PALLD: variants seen among roughly 807,000 people sequenced by gnomAD.
PALLD encodes the protein palladin, cytoskeletal associated protein.
A neutral mutation model predicts 123.5 loss-of-function variants in PALLD; 61 were observed. That is an observed-to-expected ratio of 0.49 (90% CI 0.40 to 0.61). PALLD has a LOEUF of 0.61. Ranked by LOEUF, PALLD falls within the 20% of genes least tolerant of loss-of-function variation. The probability of loss-of-function intolerance (pLI) is 0.00; values close to 1 mark genes in which losing one functional copy is unlikely to be tolerated. For missense variants in PALLD, 1,273 were observed against 1,377.0 expected, an observed-to-expected ratio of 0.92 and a Z score of 1.20; for synonymous variants, 465 against 496.4, an observed-to-expected ratio of 0.94 and a Z score of 0.84.
intron 2 of PALLD, among the ~76,000 whole-genome samples, chr4:168,647,347 A>G (rs1777565900): frequency 6.6e-6 from 1 of 152,226 alleles, no homozygotes; most frequent in South Asian, 2.1e-4. Flanking sequence ...CACTTACTAC[A>G]ATGGACTGTG....
intron 10 of PALLD, among the ~76,000 whole-genome samples, chr4:168,804,132 C>T (rs189251295): frequency 6.6e-6 from 1 of 152,116 alleles, no homozygotes; most frequent in Admixed American, 6.5e-5. Context: ...CCAAAACAGC[C>T]CCAGGTTGAA....
intron 17 of PALLD, among the ~76,000 whole-genome samples, chr4:168,917,953 C>A (rs1489320456): frequency 6.6e-6 from 1 of 152,088 alleles, no homozygotes. Context: ...GTAATCCCAG[C>A]ACTTTGGGAG....
chr4:168,669,139 A>C (rs979443400), intron 3 of PALLD, among the ~76,000 whole-genome samples: 1 of 152,204 alleles, frequency 6.6e-6, no homozygotes, highest in East Asian at 1.9e-4. Context: ...TATAGAAAGA[A>C]TATTAAAATC....
chr4:168,637,374 C>T (rs1049983390), intron 2 of PALLD, among the ~76,000 whole-genome samples: 8 of 152,058 alleles, frequency 5.3e-5, no homozygotes, highest in Non-Finnish European at 1.2e-4. Flanking sequence ...AGACAACTAC[C>T]AGCAAGCACA....
In PALLD at chr4:168,793,176, CAT is replaced by C. The variant is rs1228465727; in HGVS notation, c.1964+81261_1964+81262del. Among the ~76,000 whole-genome samples the C allele has an allele frequency of 1.5e-3, 181 of 119,678 alleles. 1 individual carries two copies. The highest frequency in any genetic ancestry group is 2.6e-3 in the Non-Finnish European group (149 of 58,340). The allele number at this position is 119,678 out of a possible 152,430, so 78.5% of individuals were successfully genotyped here. ...GCATATATATACATATATATGTGTG[CAT>C]ATATATACATATATATGTGTGCATA... On this transcript the variant is annotated intron_variant, in intron 10 of 21. Transcript: ENST00000505667.
chr4:168,738,711 G>C (rs1453967773), intron 10 of PALLD, among the ~76,000 whole-genome samples: 1 of 150,532 alleles, frequency 6.6e-6, no homozygotes, highest in Non-Finnish European at 1.5e-5. Context: ...GGTTACAGGC[G>C]TGAGCCACCG....
rs1466829938 is a variant in PALLD, at chr4:168,896,552, A to G, written c.2203A>G (p.Ile735Val). Residue 735 changes from isoleucine (I) to valine (V), a missense_variant, in exon 13 of 22, where the codon ATT (isoleucine) becomes GTT (valine). This residue lies in a region of PALLD where 944 missense variants were observed against 954.5 expected (regional missense o/e 0.99). Transcript: ENST00000505667. ...ATCTTTTTTTCTACCATTACAGGAC[A>G]TTGGTTCTCCTCATGCTTCTGTAGG... is the stretch of plus-strand genomic sequence containing the variant. ...EPEEETANQD[I>V]GSPHASVGSP... The G allele has an allele frequency of 1.3e-6, 2 of 1,491,706 alleles. No individual in the cohort carries two copies. The highest frequency in any genetic ancestry group is 1.8e-6 in the Non-Finnish European group (2 of 1,105,768). 92.4% of individuals were successfully genotyped at this position (1,491,706 alleles called of 1,614,324 possible).
chr4:168,912,279 CTCA>C (rs1220798136), intron 15 of PALLD, among the ~76,000 whole-genome samples: 1 of 152,218 alleles, frequency 6.6e-6, no homozygotes, highest in African/African-American at 2.4e-5. Flanking sequence ...ATGAGGGCTT[CTCA>C]TCAACTCTGA....
At chr4:168,616,270 T>G (rs1774218393) in intron 2 of PALLD, among the ~76,000 whole-genome samples, 1 of 152,234 alleles carries the variant, frequency 6.6e-6, no homozygotes, top group Non-Finnish European at 1.5e-5. Flanking sequence ...GCTTAAACCT[T>G]TTCTCATTTT....
At chr4:168,519,266 GAC>G (rs372331984) in intron 2 of PALLD, among the ~76,000 whole-genome samples, 277 of 152,268 alleles carry the variant, frequency 1.8e-3, no homozygotes, top group African/African-American at 6.3e-3. Context: ...GGGTAGTAGA[GAC>G]ACAGATATAA....
chr4:168,612,066 G>C (rs1362354144), intron 2 of PALLD, among the ~76,000 whole-genome samples: 1 of 152,104 alleles, frequency 6.6e-6, no homozygotes, highest in Admixed American at 6.6e-5. Flanking sequence ...AAGCTGAAGT[G>C]GGAGGACCAC....
At chr4:168,896,761 A>G (rs536408452) in intron 13 of PALLD, among the ~76,000 whole-genome samples, 162 bp downstream of exon 13, 1 of 152,318 alleles carries the variant, frequency 6.6e-6, no homozygotes, top group African/African-American at 2.4e-5. Flanking sequence ...AAATTACTGC[A>G]ACATGAGTTT....
chr4:168,590,807 T>C (rs1294274403), intron 2 of PALLD, among the ~76,000 whole-genome samples: 1 of 146,874 alleles, frequency 6.8e-6, no homozygotes, highest in African/African-American at 2.5e-5. Context: ...GAGTGAAGAA[T>C]GGGATAAAAT....
At chr4:168,522,765 G>T (rs1033495053) in intron 2 of PALLD, among the ~76,000 whole-genome samples, 4 of 152,162 alleles carry the variant, frequency 2.6e-5, no homozygotes, top group African/African-American at 9.7e-5. Flanking sequence ...TATAACAATA[G>T]AAATGGTTCT....
chr4:168,646,189 C>T (rs1241038552), intron 2 of PALLD, among the ~76,000 whole-genome samples: 1 of 152,208 alleles, frequency 6.6e-6, no homozygotes, highest in Non-Finnish European at 1.5e-5. Flanking sequence ...AAAAGAAGGG[C>T]TGGGTCCTAT....
chr4:168,823,936 G>C (rs112712207), intron 10 of PALLD, among the ~76,000 whole-genome samples: 1 of 152,224 alleles, frequency 6.6e-6, no homozygotes, highest in African/African-American at 2.4e-5. Flanking sequence ...GCTTTCTTAA[G>C]TGACATGCAG....
chr4:168,884,272 G>C (rs1452857106), intron 10 of PALLD, among the ~76,000 whole-genome samples: 1 of 152,174 alleles, frequency 6.6e-6, no homozygotes, highest in African/African-American at 2.4e-5. Flanking sequence ...CGTTAGTCCA[G>C]TGAGATGCTC....
intron 10 of PALLD, among the ~76,000 whole-genome samples, chr4:168,887,466 T>C (rs1238383011): frequency 1.3e-5 from 2 of 152,224 alleles, no homozygotes; most frequent in Non-Finnish European, 2.9e-5. Flanking sequence ...TCTTTTTCAT[T>C]TGTGCTGAGA....
chr4:168,678,360 A>T (rs567253695), intron 3 of PALLD, among the ~76,000 whole-genome samples: 1 of 152,256 alleles, frequency 6.6e-6, no homozygotes, highest in African/African-American at 2.4e-5. Flanking sequence ...AAAAATTGGT[A>T]GTTCCCTTTC....
Sources: allele counts gnomAD v4.1 joint callset (sites outside exome capture counted in the v4.1 genomes callset), GRCh38; gene constraint gnomAD v4.1.1; regional missense constraint gnomAD v4.1.1; transcripts MANE v1.5; gene names NCBI Gene and HGNC (gene_info 2026-07-23, HGNC 2026-07-21).